ASTN1: variants seen among roughly 807,000 people sequenced by gnomAD.
The protein encoded by ASTN1 is astrotactin-1.
Under a neutral mutation model 140.7 loss-of-function variants are expected in ASTN1, and 41 were observed. The observed-to-expected ratio is 0.29, with a 90% confidence interval of 0.23 to 0.38. ASTN1 has a LOEUF of 0.38. ASTN1 is among the 10% of genes least tolerant of loss of function. ASTN1 has a pLI of 1.00. For missense variants in ASTN1, 1,479 were observed against 1,678.8 expected, an observed-to-expected ratio of 0.88 and a Z score of 2.08; for synonymous variants, 640 against 652.2, an observed-to-expected ratio of 0.98 and a Z score of 0.29.
chr1:177,032,430 G>A (rs763800976), intron 3 of ASTN1, 26 bp downstream of exon 3: 7 of 1,603,270 alleles, frequency 4.4e-6, no homozygotes, highest in Non-Finnish European at 6.0e-6. Context: ...GGACCAAACA[G>A]CCCCTTGCCT....
At chr1:177,029,830 C>A in intron 4 of ASTN1, 89 bp from the exon 5 acceptor site, 2 of 1,263,570 alleles carry the variant, frequency 1.6e-6, no homozygotes, top group Admixed American at 2.3e-5. Flanking sequence ...GGAAAATCAA[C>A]AAAAATGAAA....
At chr1:176,914,785 C>G (rs1050591027) in intron 16 of ASTN1, among the ~76,000 whole-genome samples, 2 of 152,118 alleles carry the variant, frequency 1.3e-5, no homozygotes, top group Admixed American at 1.3e-4. Context: ...ACTGGGGTAG[C>G]AACCGTGTAC....
chr1:177,010,331 ACAAGGTAAGC>A (rs1175478553), intron 8 of ASTN1, among the ~76,000 whole-genome samples: 8 of 152,210 alleles, frequency 5.3e-5, no homozygotes, highest in Admixed American at 2.0e-4. Flanking sequence ...GAGACAGAAG[ACAAGGTAAGC>A]CACTGTGCAG....
intron 1 of ASTN1, among the ~76,000 whole-genome samples, chr1:177,154,853 A>G (rs1683176284): frequency 6.6e-6 from 1 of 152,160 alleles, no homozygotes; most frequent in Non-Finnish European, 1.5e-5. Context: ...AATATAATTA[A>G]GTCAAATCTC....
chr1:176,929,487 C>T (rs925195588), intron 16 of ASTN1, among the ~76,000 whole-genome samples: 5 of 152,124 alleles, frequency 3.3e-5, no homozygotes, highest in South Asian at 2.1e-4. Context: ...AAAGAAGGAC[C>T]GGGTGATTCC....
intron 16 of ASTN1, among the ~76,000 whole-genome samples, chr1:176,901,552 G>C (rs1381977328): frequency 6.6e-6 from 1 of 152,156 alleles, no homozygotes; most frequent in South Asian, 2.1e-4. Context: ...AGTCATACTG[G>C]GATTTGGCAT....
intron 1 of ASTN1, among the ~76,000 whole-genome samples, chr1:177,123,610 C>T (rs1681502709): frequency 6.6e-6 from 1 of 152,174 alleles, no homozygotes; most frequent in Non-Finnish European, 1.5e-5. Flanking sequence ...ACCTCACATT[C>T]CTATCTGGCT....
intron 8 of ASTN1, among the ~76,000 whole-genome samples, chr1:176,989,249 A>G (rs1674049262): frequency 6.6e-6 from 1 of 152,180 alleles, no homozygotes; most frequent in African/African-American, 2.4e-5. Context: ...GATTTGTGAT[A>G]ACTTGTGACT....
chr1:177,108,998 G>A (rs574664004), intron 1 of ASTN1, among the ~76,000 whole-genome samples: 25 of 151,660 alleles, frequency 1.6e-4, no homozygotes, highest in African/African-American at 3.4e-4. Context: ...GGAAAAGCAC[G>A]CAAAAAAAGA....
chr1:176,928,971 G>A (rs749331529), intron 16 of ASTN1, among the ~76,000 whole-genome samples: 10 of 152,310 alleles, frequency 6.6e-5, no homozygotes, highest in Middle Eastern at 3.4e-3. Context: ...GTAAGACAGA[G>A]TAGTGGTGGA....
chr1:176,896,697 TGCACCCCA>T (rs1669520688), intron 16 of ASTN1, among the ~76,000 whole-genome samples: 1 of 152,180 alleles, frequency 6.6e-6, no homozygotes, highest in Non-Finnish European at 1.5e-5. Context: ...GAGAGCTCTC[TGCACCCCA>T]TAAGAGAGAA....
intron 22 of ASTN1, 42 bp from the exon 23 acceptor site, chr1:176,864,563 G>A: frequency 2.5e-6 from 4 of 1,603,954 alleles, no homozygotes; most frequent in Non-Finnish European, 3.4e-6. Context: ...AGAAAGAAGA[G>A]AGGGTCTGGA....
intron 1 of ASTN1, among the ~76,000 whole-genome samples, chr1:177,091,127 T>G (rs1679729837): frequency 6.6e-6 from 1 of 152,154 alleles, no homozygotes; most frequent in Non-Finnish European, 1.5e-5. Context: ...ATTAGGTGCA[T>G]GTACTGAATT....
rs980096493 is a variant in ASTN1 at position 177,159,071 on chromosome 1, A to T, written c.283+5323T>A. ...AACAAAGCGAGGATCCATCTCAAAA[A>T]AAAAAAAAAAAAAAAATTAAAATTT... On this transcript the variant is annotated intron_variant, in intron 1 of 22. Coordinates refer to ENST00000361833, the MANE Select transcript of ASTN1 (RefSeq NM_004319.3). Among the ~76,000 whole-genome samples the T allele has an allele frequency of 7.6e-3, 851 of 112,294 alleles. 8 individuals are homozygous for T. The highest frequency in any genetic ancestry group is 0.053 in the African/African-American group (816 of 15,350). 73.7% of individuals were successfully genotyped at this position (112,294 alleles called of 152,430 possible).
intron 8 of ASTN1, among the ~76,000 whole-genome samples, chr1:176,998,701 A>G (rs1193928557): frequency 6.6e-6 from 1 of 152,204 alleles, no homozygotes; most frequent in African/African-American, 2.4e-5. Flanking sequence ...TCTGACTCAC[A>G]TTACCCCGCA....
Position 176,942,836 on chromosome 1 carries a change from GTATA to G in ASTN1, c.2377+1051_2377+1054del, listed in dbSNP as rs71129590. Among the ~76,000 whole-genome samples, 4 of 50,326 alleles carry G rather than the reference GTATA, an allele frequency of 7.9e-5. No homozygotes were observed. The South Asian group carries it at 2.9e-3, about 36-fold the overall frequency. 33.0% of individuals were successfully genotyped at this position (50,326 alleles called of 152,430 possible). On this transcript the variant is annotated intron_variant, in intron 14 of 22. Coordinates refer to ENST00000361833, the MANE Select transcript of ASTN1 (RefSeq NM_004319.3). The stretch of plus-strand genomic sequence containing the variant: ...TGTGTGTGTGTATATATATATATAT[GTATA>G]TATATATATATATATATATATATAT...
At chr1:176,871,422 C>T (rs1047795658) in intron 21 of ASTN1, among the ~76,000 whole-genome samples, 1 of 152,164 alleles carries the variant, frequency 6.6e-6, no homozygotes, top group Non-Finnish European at 1.5e-5. Flanking sequence ...AAAGAACAGT[C>T]CACACGCCAG....
chr1:177,146,768 CA>C (rs1682737560), intron 1 of ASTN1, among the ~76,000 whole-genome samples: 1 of 152,076 alleles, frequency 6.6e-6, no homozygotes, highest in African/African-American at 2.4e-5. Context: ...AGTTCACTTT[CA>C]AAAAAATTTC....
chr1:176,920,410 C>A (rs1363497307), intron 16 of ASTN1, among the ~76,000 whole-genome samples: 2 of 152,184 alleles, frequency 1.3e-5, no homozygotes, highest in African/African-American at 2.4e-5. Context: ...CGGGGATGGC[C>A]TAATCTAGCT....
Sources: allele counts gnomAD v4.1 joint callset (sites outside exome capture counted in the v4.1 genomes callset), GRCh38; gene constraint gnomAD v4.1.1; transcripts MANE v1.5; gene names NCBI Gene and HGNC (gene_info 2026-07-23, HGNC 2026-07-21).